The following CHRNA1 variants were observed in gnomAD, a reference collection of about 807,000 sequenced individuals.
CHRNA1 encodes cholinergic receptor nicotinic alpha 1 subunit.
CHRNA1 carries 35 observed loss-of-function variants against 47.1 expected under a neutral mutation model. The observed-to-expected ratio is 0.74, with a 90% CI of 0.57 to 0.99. The LOEUF (loss-of-function observed/expected upper bound fraction) is 0.99. Ranked by LOEUF, CHRNA1 falls within the 50% of genes least tolerant of loss-of-function variation. CHRNA1 has a pLI of 0.00. For missense variants in CHRNA1, 506 were observed against 591.1 expected (o/e 0.86, Z 1.49); for synonymous variants, 229 against 223.6 (o/e 1.02, Z -0.22).
chr2:174,762,329 C>A (rs915905499), intron 1 of CHRNA1, among the ~76,000 whole-genome samples: 1 of 152,080 alleles, frequency 6.6e-6, no homozygotes, highest in Non-Finnish European at 1.5e-5. Context: ...ATGGATTCAA[C>A]GAATCACAGT....
Position 174,757,753 on chromosome 2 carries a change from G to A in CHRNA1, c.235-78C>T, listed in dbSNP as rs368175496. 4 of 1,280,150 alleles carry A rather than the reference G, an allele frequency of 3.1e-6. No homozygotes were observed. The African/African-American group carries it at 5.9e-5, about 19-fold the overall frequency. The allele number at this position is 1,280,150 out of a possible 1,614,324, so 79.3% of individuals were successfully genotyped here. ...CTAAGGTTATCAAGAGCCCTGATGT[G>A]CATGGGAATTCAGTATTGACAGAAA... On this transcript the variant is annotated intron_variant, in intron 3 of 8. Coordinates refer to ENST00000348749, the MANE Select transcript of CHRNA1 (RefSeq NM_000079.4).
At chr2:174,755,320 A>G (rs1462102084) in intron 4 of CHRNA1, among the ~76,000 whole-genome samples, 1 of 152,168 alleles carries the variant, frequency 6.6e-6, no homozygotes, top group African/African-American at 2.4e-5. Context: ...TCCTGTCAGG[A>G]AGGTGCCACC....
At chr2:174,763,328 G>GCACACACACA (rs754957112) in intron 1 of CHRNA1, among the ~76,000 whole-genome samples, 2 of 121,466 alleles carry the variant, frequency 1.6e-5, no homozygotes, top group African/African-American at 3.0e-5. Flanking sequence ...GTGCACGCGC[G>GCACACACACA]CGCACACACA....
At position 174,764,430 on chromosome 2, in the gene CHRNA1, G is replaced by T; in HGVS notation, c.-36C>A. ...AGCTTGTGTGGACCAGGGCAGAGTG[G>T]TGGCCTGTGCTTCTCACTGGCACTC... On this transcript the variant is annotated 5_prime_UTR_variant, in exon 1 of 9. Transcript: ENST00000348749. 6.2e-7 allele frequency: 1 copy of T among 1,605,582 alleles called. No individual in the cohort carries two copies. The highest frequency in any genetic ancestry group is 8.5e-7 in the Non-Finnish European group (1 of 1,174,916).
At position 174,749,929 on chromosome 2, in the gene CHRNA1, G is replaced by C. The variant is rs777724002; in HGVS notation, c.1002+17C>G. The C allele has an allele frequency of 8.7e-6, 14 of 1,608,740 alleles. No homozygotes were observed. The highest frequency in any genetic ancestry group is 1.2e-5 in the Non-Finnish European group (14 of 1,175,768). ...GATGTGCCTCCGTGTGAAGTCTGCAGGGGCCTCCCCACTCACCTTCCGCAC... is the reference window on the plus strand; with the variant it reads ...GATGTGCCTCCGTGTGAAGTCTGCACGGGCCTCCCCACTCACCTTCCGCAC... On this transcript the variant is annotated intron_variant, in intron 7 of 8. Coordinates refer to ENST00000348749, the MANE Select transcript of CHRNA1 (RefSeq NM_000079.4).
chr2:174,756,877 C>G (rs908762959), intron 4 of CHRNA1, among the ~76,000 whole-genome samples: 1 of 152,104 alleles, frequency 6.6e-6, no homozygotes, highest in African/African-American at 2.4e-5. Flanking sequence ...CATGCTCCTG[C>G]CTGGGAAGGA....
chr2:174,758,144 C>T, intron 3 of CHRNA1: 4 of 1,428,650 alleles, frequency 2.8e-6, no homozygotes, highest in Admixed American at 1.7e-5. Context: ...CATGGTGGCT[C>T]ATGCCTGTAA....
In CHRNA1 at chr2:174,753,716, TG is replaced by T; in HGVS notation, c.564del (p.Ser188ArgfsTer10). 1 of 1,614,010 alleles carries T rather than the reference TG, an allele frequency of 6.2e-7. No homozygotes were observed. The highest frequency in any genetic ancestry group is 8.5e-7 in the Non-Finnish European group (1 of 1,179,974). ...INPESDQPDL[S>X]NFMESGEWVI... ...ACCCACTCCCCGCTCTCCATGAAGT[TG>T]CTCAGGTCTGGCTGGTCGCTTTCCT... On this transcript the variant is annotated frameshift_variant, in exon 6 of 9. Coordinates refer to ENST00000348749, the MANE Select transcript of CHRNA1 (RefSeq NM_000079.4). LOFTEE classifies it high-confidence loss of function.
At chr2:174,751,094 T>C (rs1683839313) in intron 6 of CHRNA1, among the ~76,000 whole-genome samples, 1 of 152,250 alleles carries the variant, frequency 6.6e-6, no homozygotes, top group Non-Finnish European at 1.5e-5. Context: ...CACCACTCGC[T>C]GTCTCATTTT....
chr2:174,759,561 A>AC lies in CHRNA1; in HGVS notation c.115dup (p.Val39GlyfsTer27). ...CTGGCGGTGGTCTTCCACTGGCCGC[A>AC]CCACGCTGCTGTAGTCTTTAAATAG... On this transcript the variant is annotated frameshift_variant, in exon 2 of 9. Coordinates refer to ENST00000348749, the MANE Select transcript of CHRNA1 (RefSeq NM_000079.4). LOFTEE classifies it high-confidence loss of function. The AC allele has an allele frequency of 6.2e-7, 1 of 1,614,012 alleles. No homozygotes were observed. The highest frequency in any genetic ancestry group is 8.5e-7 in the Non-Finnish European group (1 of 1,179,996).
At chr2:174,757,959 T>G in intron 3 of CHRNA1, 15 of 1,562,950 alleles carry the variant, frequency 9.6e-6, no homozygotes, top group Non-Finnish European at 1.3e-5. Flanking sequence ...ATTCTGCAGA[T>G]GAGAAAACAA....
chr2:174,756,311 G>A (rs1683979651), intron 4 of CHRNA1, among the ~76,000 whole-genome samples: 1 of 152,266 alleles, frequency 6.6e-6, no homozygotes, highest in African/African-American at 2.4e-5. Flanking sequence ...GGCAGGATGA[G>A]GTCTGTCTCA....
chr2:174,748,756 T>C lies in CHRNA1; in HGVS notation c.1066A>G (p.Lys356Glu). The change falls in exon 8 of 9, where the codon AAG becomes GAG. Residue 356 changes from lysine (K) to glutamate (E), a missense_variant. Physicochemically the swap from Lys to Glu is moderately conservative, Grantham distance 56. Transcript: ENST00000348749. ...TCTGTAAAAATCTTTTTGTCTTGCT[T>C]TTCTCTGGATGGTCTTTTCATTGTG... ...FSTMKRPSRE[K>E]QDKKIFTEDI... 1 of 1,614,246 alleles carries C rather than the reference T, an allele frequency of 6.2e-7. No homozygotes were observed. Among genetic ancestry groups the C allele is most frequent in the Non-Finnish European group, 8.5e-7 (1 of 1,180,036 alleles).
chr2:174,754,806 AAC>A (rs1683942079), intron 4 of CHRNA1, among the ~76,000 whole-genome samples: 1 of 152,128 alleles, frequency 6.6e-6, no homozygotes, highest in Non-Finnish European at 1.5e-5. Flanking sequence ...GGGGAAAAAA[AAC>A]ACAGGAATTT....
chr2:174,750,763 AGAAAACG>A (rs1683832546), intron 6 of CHRNA1, among the ~76,000 whole-genome samples: 1 of 152,200 alleles, frequency 6.6e-6, no homozygotes, highest in African/African-American at 2.4e-5. Context: ...GCTGCCAAGC[AGAAAACG>A]GAACAATATT....
chr2:174,747,861 G>A lies in CHRNA1; in HGVS notation c.*263C>T. 4 of 436,452 alleles carry A rather than the reference G, an allele frequency of 9.2e-6. No homozygotes were observed. Among genetic ancestry groups the A allele is most frequent in the East Asian group, 9.9e-5 (2 of 20,226 alleles). 27.0% of individuals were successfully genotyped at this position (436,452 alleles called of 1,614,324 possible). A position where few individuals can be genotyped will look rare whatever the true frequency, so the allele number is the denominator to read the frequency against. On this transcript the variant is annotated 3_prime_UTR_variant, in exon 9 of 9. Transcript: ENST00000348749. ...CTGGCAAAAACTCTTCCAGACACTG[G>A]AAATGAACACTTTTTTTAGTGATTA... is the stretch of plus-strand genomic sequence containing the variant.
chr2:174,758,008 C>G, intron 3 of CHRNA1: 1 of 1,614,056 alleles, frequency 6.2e-7, no homozygotes, highest in Non-Finnish European at 8.5e-7. Context: ...CGTGGCAGAT[C>G]TACCATGTCA....
chr2:174,753,401 CG>C, intron 6 of CHRNA1, 101 bp downstream of exon 6: 1 of 1,149,812 alleles, frequency 8.7e-7, no homozygotes, highest in South Asian at 1.2e-5. Context: ...TGGTTCGGGT[CG>C]ATCTGCCTGT....
At chr2:174,759,191 T>TC (rs1326833113) in intron 3 of CHRNA1, 140 bp downstream of exon 3, 1 of 998,374 alleles carries the variant, frequency 1.0e-6, no homozygotes, top group Admixed American at 1.9e-5. Flanking sequence ...CCAAACAGGA[T>TC]CCATGCTTTC....
Sources: gnomAD v4.1 joint callset for allele counts (sites outside exome capture counted in the v4.1 genomes callset) on GRCh38, gnomAD v4.1.1 for gene constraint, MANE v1.5 for transcripts, NCBI Gene and HGNC (gene_info 2026-07-23, HGNC 2026-07-21) for gene names.